Variants in PTPRN2 observed in about 807,000 individuals in gnomAD.
PTPRN2 encodes receptor-type tyrosine-protein phosphatase N2.
A neutral mutation model predicts 118.8 loss-of-function variants in PTPRN2; 74 were observed. The ratio of observed to expected loss-of-function variants is 0.62; its 90% CI spans 0.52 to 0.76. PTPRN2 has a LOEUF of 0.76. Ranked by LOEUF, PTPRN2 falls within the 30% of genes least tolerant of loss-of-function variation. PTPRN2 has a pLI of 0.00. For synonymous variants in PTPRN2, 641 were observed against 608.0 expected, an observed-to-expected ratio of 1.05 and a Z score of -0.80; for missense variants, 1,481 against 1,394.4, an observed-to-expected ratio of 1.06 and a Z score of -0.99.
chr7:158,071,484 ATGGTGCAGGTGCTCC>A (rs1282894700), intron 11 of PTPRN2, among the ~76,000 whole-genome samples: 1 of 78,084 alleles, frequency 1.3e-5, no homozygotes, highest in Non-Finnish European at 2.3e-5. Context: ...GGAGGTTCTC[ATGGTGCAGGTGCTCC>A]TGGTGGAGAT....
At chr7:158,530,520 G>A (rs540575517) in intron 1 of PTPRN2, among the ~76,000 whole-genome samples, 13 of 152,110 alleles carry the variant, frequency 8.5e-5, no homozygotes, top group Non-Finnish European at 1.6e-4. Flanking sequence ...GGTACCCCAC[G>A]ACTTAAACAC....
At chr7:158,215,935 G>A (rs947082577) in intron 3 of PTPRN2, among the ~76,000 whole-genome samples, 4 of 152,180 alleles carry the variant, frequency 2.6e-5, no homozygotes, top group African/African-American at 9.7e-5. Context: ...CAGGAAGAAT[G>A]CAAGAACATG....
rs1816820520 is a variant in PTPRN2, at chr7:158,117,468, C to T, written c.1557-6553G>A. ...ATATGAATTGTGAGAGGAAATTGTG[C>T]CCAAAAGAAAAAAAAGAGATAAAGG... On this transcript the variant is annotated intron_variant, in intron 9 of 22. Coordinates refer to ENST00000389418, the MANE Select transcript of PTPRN2 (RefSeq NM_002847.5). Among the ~76,000 whole-genome samples the T allele has an allele frequency of 2.0e-5, 3 of 151,614 alleles. No individual in the cohort carries two copies. In the South Asian group the frequency reaches 6.3e-4, roughly 32 times the overall value.
intron 2 of PTPRN2, among the ~76,000 whole-genome samples, chr7:158,382,406 T>A (rs1477117118): frequency 6.6e-6 from 1 of 152,098 alleles, no homozygotes; most frequent in Non-Finnish European, 1.5e-5. Context: ...TGAATGCGAC[T>A]GTTCTCCTCC....
chr7:158,480,606 G>A (rs1220583330), intron 2 of PTPRN2, among the ~76,000 whole-genome samples: 1 of 152,214 alleles, frequency 6.6e-6, no homozygotes, highest in African/African-American at 2.4e-5. Flanking sequence ...GGCCTCTCGT[G>A]TAAAACAGTT....
At chr7:158,109,163 T>C (rs1234798846) in intron 10 of PTPRN2, among the ~76,000 whole-genome samples, 96 of 131,206 alleles carry the variant, frequency 7.3e-4, no homozygotes, top group Non-Finnish European at 1.7e-4. Flanking sequence ...CATCACCCCA[T>C]GTGTGAAAGA....
rs756998274 is a variant in PTPRN2, at chr7:157,627,989, G to A, written c.2197-6480C>T. 1.8e-4 allele frequency among the ~76,000 whole-genome samples: 27 copies of A among 152,116 alleles called. No homozygotes were observed. The highest frequency in any genetic ancestry group is 3.4e-4 in the African/African-American group (14 of 41,408). On this transcript the variant is annotated intron_variant, in intron 14 of 22. Transcript: ENST00000389418. The surrounding 1 kb of genome is among the most constrained non-coding windows in gnomAD (Gnocchi z 4.2). ...AGGTTTCCCCTGTCATCCTTCTCCCGTTTCTGAATCCATCCTGCCAGTCCC... is the reference window on the plus strand; with the variant it reads ...AGGTTTCCCCTGTCATCCTTCTCCCATTTCTGAATCCATCCTGCCAGTCCC...
intron 12 of PTPRN2, among the ~76,000 whole-genome samples, chr7:157,694,486 G>A (rs914989185): frequency 6.6e-5 from 10 of 152,204 alleles, no homozygotes; most frequent in Non-Finnish European, 1.3e-4. Flanking sequence ...CAAAGCTGAA[G>A]GCGGACCCAC....
At chr7:158,244,549 T>TG (rs547169978) in intron 3 of PTPRN2, among the ~76,000 whole-genome samples, 25 of 151,644 alleles carry the variant, frequency 1.6e-4, no homozygotes, top group Middle Eastern at 3.4e-3. Context: ...AGCATGTTTT[T>TG]TGTGTGTGTT....
intron 2 of PTPRN2, among the ~76,000 whole-genome samples, chr7:158,443,145 A>G (rs1439879352): frequency 6.6e-6 from 1 of 151,646 alleles, no homozygotes; most frequent in Admixed American, 6.6e-5. Flanking sequence ...TCTTGTTCCC[A>G]CTAGGTGGCC....
At chr7:157,825,656 C>T (rs972909161) in intron 12 of PTPRN2, among the ~76,000 whole-genome samples, 7 of 152,176 alleles carry the variant, frequency 4.6e-5, no homozygotes, top group Admixed American at 4.6e-4. Flanking sequence ...CACTGCCCTC[C>T]ACATTTGTTC....
intron 11 of PTPRN2, among the ~76,000 whole-genome samples, chr7:158,007,847 G>C (rs1247220332): frequency 6.9e-6 from 1 of 145,652 alleles, no homozygotes; most frequent in Non-Finnish European, 1.5e-5. Flanking sequence ...GTGGGTGTGT[G>C]TGTGCTGCAT....
chr7:158,494,943 C>A (rs772785534), intron 1 of PTPRN2, among the ~76,000 whole-genome samples: 5 of 152,186 alleles, frequency 3.3e-5, no homozygotes, highest in Non-Finnish European at 5.9e-5. Flanking sequence ...CCCCGCCAGC[C>A]TCCCCCGCTC....
chr7:157,629,050 C>T lies in PTPRN2; in HGVS notation c.2197-7541G>A, dbSNP rs1176027236. 6.6e-6 allele frequency among the ~76,000 whole-genome samples: 1 copy of T among 152,140 alleles called. No homozygotes were observed. The highest frequency in any genetic ancestry group is 1.9e-4 in the East Asian group (1 of 5,188). ...ATCCCGTGTGCATCTGATGCAGGAC[C>T]CGCTCACACGAAACATGCTCGCCTT... On this transcript the variant is annotated intron_variant, in intron 14 of 22. Coordinates refer to ENST00000389418, the MANE Select transcript of PTPRN2 (RefSeq NM_002847.5). The surrounding 1 kb of genome is among the most constrained non-coding windows in gnomAD (Gnocchi z 4.4).
intron 11 of PTPRN2, among the ~76,000 whole-genome samples, chr7:158,060,782 T>C: frequency 6.6e-6 from 1 of 152,220 alleles, no homozygotes; most frequent in East Asian, 1.9e-4. Flanking sequence ...TGGGAAGGTT[T>C]TGCAAAGCGA....
At chr7:158,076,072 A>G (rs999551808) in intron 11 of PTPRN2, among the ~76,000 whole-genome samples, 1 of 152,234 alleles carries the variant, frequency 6.6e-6, no homozygotes, top group Non-Finnish European at 1.5e-5. Context: ...AGTCACTTTC[A>G]TCAGTCTGAC....
intron 10 of PTPRN2, among the ~76,000 whole-genome samples, chr7:158,081,870 T>C (rs138016246): frequency 1.3e-5 from 2 of 152,320 alleles, no homozygotes; most frequent in East Asian, 3.9e-4. Context: ...TAGACAGGAA[T>C]TATCAAAATT....
Position 157,690,561 on chromosome 7 carries a change from GGCCGGC to G in PTPRN2, c.1789-7630_1789-7625del, listed in dbSNP as rs1271123934. ...CGGCACCCCTGGTTACCTGCAGCTGGGCCGGCGCCCAGCGCCCGCGCGGGAGGAGGT... is the reference window on the plus strand; with the variant it reads ...CGGCACCCCTGGTTACCTGCAGCTGGGCCCAGCGCCCGCGCGGGAGGAGGT... On this transcript the variant is annotated intron_variant, in intron 12 of 22. Coordinates refer to ENST00000389418, the MANE Select transcript of PTPRN2 (RefSeq NM_002847.5). This position sits in a 1 kb window ranked among gnomAD's most constrained non-coding sequence, Gnocchi z 7.1. Among the ~76,000 whole-genome samples the G allele has an allele frequency of 1.3e-5, 2 of 151,774 alleles. No individual in the cohort carries two copies. Among genetic ancestry groups the G allele is most frequent in the East Asian group, 3.9e-4 (2 of 5,106 alleles).
chr7:157,813,180 TG>T lies in PTPRN2; in HGVS notation c.1788+85492del, dbSNP rs1402843615. 3.3e-5 allele frequency among the ~76,000 whole-genome samples: 5 copies of T among 152,110 alleles called. No homozygotes were observed. Among genetic ancestry groups the T allele is most frequent in the Non-Finnish European group, 4.4e-5 (3 of 68,028 alleles). ...CACAGACAAGCATCTCCAGAGCGCG[TG>T]GGACCGTAGAGAAGGCAGTGACAGG... On this transcript the variant is annotated intron_variant, in intron 12 of 22. Coordinates refer to ENST00000389418, the MANE Select transcript of PTPRN2 (RefSeq NM_002847.5). The surrounding 1 kb of genome is among the most constrained non-coding windows in gnomAD (Gnocchi z 4.7).
Sources: gnomAD v4.1 joint callset for allele counts (sites outside exome capture counted in the v4.1 genomes callset) on GRCh38, gnomAD v4.1.1 for gene constraint, Gnocchi (gnomAD v3.1) non-coding constraint, MANE v1.5 for transcripts, NCBI Gene and HGNC (gene_info 2026-07-23, HGNC 2026-07-21) for gene names.